The following ZFPM2 variants were observed in gnomAD, a reference collection of about 807,000 sequenced individuals.
The protein encoded by ZFPM2 is zinc finger protein, FOG family member 2, also known as zinc finger protein ZFPM2.
A neutral mutation model predicts 98.6 loss-of-function variants in ZFPM2; 20 were observed. That is an observed-to-expected ratio of 0.20 (90% CI 0.14 to 0.29). The LOEUF is 0.29. Among genes scored for constraint, ZFPM2 ranks in the 10% least tolerant of loss-of-function variants. ZFPM2 has a pLI of 1.00. For missense variants in ZFPM2, 1,310 were observed against 1,388.6 expected, an observed-to-expected ratio of 0.94 and a Z score of 0.90; for synonymous variants, 518 against 502.7, an observed-to-expected ratio of 1.03 and a Z score of -0.41.
chr8:105,536,318 G>T (rs868619792), intron 3 of ZFPM2, among the ~76,000 whole-genome samples: 7 of 151,852 alleles, frequency 4.6e-5, no homozygotes, highest in Middle Eastern at 3.4e-3. Flanking sequence ...TATTATTATT[G>T]GTAGGTGATT....
intron 3 of ZFPM2, among the ~76,000 whole-genome samples, chr8:105,534,294 TCTTC>T (rs1563704964): frequency 1.4e-5 from 1 of 71,708 alleles, no homozygotes; most frequent in Admixed American, 1.6e-4. Context: ...CTCCCTCCTT[TCTTC>T]CTTCCTTCCT....
intron 2 of ZFPM2, 50 bp downstream of exon 2, chr8:105,419,352 G>C (rs751061792): frequency 6.4e-7 from 1 of 1,567,432 alleles, no homozygotes; most frequent in South Asian, 1.2e-5. Context: ...AAATGATTTT[G>C]TAATGTTTTA....
At chr8:105,766,762 G>T (rs549366159) in intron 5 of ZFPM2, among the ~76,000 whole-genome samples, 1 of 151,876 alleles carries the variant, frequency 6.6e-6, no homozygotes, top group African/African-American at 2.4e-5. Context: ...CTATAAATCT[G>T]ATCAGAAGAT....
intron 4 of ZFPM2, among the ~76,000 whole-genome samples, chr8:105,620,019 T>C (rs1208948954): frequency 1.3e-5 from 2 of 152,206 alleles, no homozygotes; most frequent in Admixed American, 1.3e-4. Context: ...TATAACAGCA[T>C]GATTTATAAT....
At chr8:105,625,331 G>T (rs1474407254) in intron 4 of ZFPM2, among the ~76,000 whole-genome samples, 1 of 151,804 alleles carries the variant, frequency 6.6e-6, no homozygotes, top group Non-Finnish European at 1.5e-5. Context: ...AATAAGATAG[G>T]TTCTTTTAAT....
At chr8:105,561,573 A>G (rs1815138634) in intron 4 of ZFPM2, 92 bp downstream of exon 4, 13 of 992,726 alleles carry the variant, frequency 1.3e-5, no homozygotes, top group African/African-American at 1.6e-5. Context: ...CTTTCCAATG[A>G]AATCACTAAA....
chr8:105,481,693 A>G (rs1037414837), intron 3 of ZFPM2, among the ~76,000 whole-genome samples: 2 of 152,152 alleles, frequency 1.3e-5, no homozygotes, highest in Admixed American at 6.5e-5. Flanking sequence ...AATGGTATTA[A>G]TATAGTAAGA....
chr8:105,801,890 C>A lies in ZFPM2; in HGVS notation c.1808C>A (p.Ser603Tyr). 1.2e-6 allele frequency: 2 copies of A among 1,613,932 alleles called. No individual in the cohort carries two copies. Among genetic ancestry groups the A allele is most frequent in the Non-Finnish European group, 1.7e-6 (2 of 1,179,866 alleles). ...TTGAGTCCCAACACTGGCCAAACCT[C>A]CATAAACCTTCTCAACCCAGCTGCT... ...EALSPNTGQT[S>Y]INLLNPAAHS... The change falls in exon 8 of 8, where the codon TCC becomes TAC. Residue 603 changes from serine to tyrosine, a missense_variant. Coordinates refer to ENST00000407775, the MANE Select transcript of ZFPM2 (RefSeq NM_012082.4).
chr8:105,551,682 T>TAA lies in ZFPM2; in HGVS notation c.302-9677_302-9676dup, dbSNP rs35446103. On this transcript the variant is annotated intron_variant, in intron 3 of 7. Transcript: ENST00000407775. ...CCTTTGGTTTTATAATTTTGTGACC[T>TAA]AAAAATCACCTCTCCACTCCCAGCT... 2.0e-5 allele frequency among the ~76,000 whole-genome samples: 3 copies of TAA among 151,992 alleles called. No individual in the cohort carries two copies. In the East Asian group the frequency reaches 5.8e-4, roughly 30 times the overall value.
intron 3 of ZFPM2, among the ~76,000 whole-genome samples, chr8:105,452,034 T>A (rs1421061754): frequency 6.6e-6 from 1 of 152,150 alleles, no homozygotes; most frequent in Non-Finnish European, 1.5e-5. Flanking sequence ...GAGAAAAATC[T>A]TAAAAAATGT....
intron 3 of ZFPM2, among the ~76,000 whole-genome samples, chr8:105,503,079 G>T (rs934563242): frequency 5.9e-5 from 9 of 152,156 alleles, no homozygotes; most frequent in Non-Finnish European, 5.9e-5. Context: ...ACATCTAAAA[G>T]GTGACAGTCC....
intron 3 of ZFPM2, among the ~76,000 whole-genome samples, chr8:105,532,479 C>T (rs1407515491): frequency 1.3e-5 from 2 of 152,086 alleles, no homozygotes; most frequent in Non-Finnish European, 2.9e-5. Context: ...AGTGGTATTG[C>T]TCTACAGCCA....
At chr8:105,365,244 A>G (rs557478442) in intron 1 of ZFPM2, among the ~76,000 whole-genome samples, 5 of 152,232 alleles carry the variant, frequency 3.3e-5, no homozygotes, top group Admixed American at 6.5e-5. Flanking sequence ...TGGCCTTTCA[A>G]TTTGCAAGTC....
rs549091064 is a variant in ZFPM2, at chr8:105,801,868, A to G, written c.1786A>G (p.Ser596Gly). Reference sequence around the variant, plus strand: ...GTCAGAAAAGATGCCTGAAGCTTTGAGTCCCAACACTGGCCAAACCTCCAT... The same window carrying G: ...GTCAGAAAAGATGCCTGAAGCTTTGGGTCCCAACACTGGCCAAACCTCCAT... ...SVSEKMPEAL[S>G]PNTGQTSINL... Residue 596 changes from serine (S) to glycine (G), a missense_variant, in exon 8 of 8, where the codon AGT becomes GGT. Physicochemically the swap from Ser to Gly is moderately conservative, Grantham distance 56. Coordinates refer to ENST00000407775, the MANE Select transcript of ZFPM2 (RefSeq NM_012082.4). 7 of 1,613,934 alleles carry G rather than the reference A, an allele frequency of 4.3e-6. No individual in the cohort carries two copies. In the Admixed American group the frequency reaches 1.0e-4, roughly 23 times the overall value.
chr8:105,540,794 A>C (rs1307901502), intron 3 of ZFPM2, among the ~76,000 whole-genome samples: 3 of 152,180 alleles, frequency 2.0e-5, no homozygotes, highest in Admixed American at 6.6e-5. Context: ...AAGATGAAAT[A>C]TGAACATATG....
At chr8:105,738,198 T>C (rs907195263) in intron 5 of ZFPM2, among the ~76,000 whole-genome samples, 5 of 152,006 alleles carry the variant, frequency 3.3e-5, no homozygotes, top group Admixed American at 6.6e-5. Context: ...TAGACCTAAG[T>C]GTGTGTTGTT....
At chr8:105,455,074 A>G (rs952922418) in intron 3 of ZFPM2, among the ~76,000 whole-genome samples, 2 of 152,186 alleles carry the variant, frequency 1.3e-5, no homozygotes, top group African/African-American at 4.8e-5. Flanking sequence ...GAGTGCTGAC[A>G]TGGTGTTCAA....
At chr8:105,505,637 G>C (rs1868649) in intron 3 of ZFPM2, among the ~76,000 whole-genome samples, 4 of 151,532 alleles carry the variant, frequency 2.6e-5, no homozygotes, top group Non-Finnish European at 4.4e-5. Context: ...ATATTACCTC[G>C]CTAAAAACCA....
chr8:105,387,703 G>A (rs1479549292), intron 1 of ZFPM2: 2 of 157,054 alleles, frequency 1.3e-5, no homozygotes, highest in African/African-American at 2.4e-5. Flanking sequence ...TGAGGGAGCC[G>A]GCTCCGGCCT....
Sources: allele counts gnomAD v4.1 joint callset (sites outside exome capture counted in the v4.1 genomes callset), GRCh38; gene constraint gnomAD v4.1.1; transcripts MANE v1.5; gene names NCBI Gene and HGNC (gene_info 2026-07-23, HGNC 2026-07-21).